The following SDR42E1 variants were observed in gnomAD, a reference collection of about 807,000 sequenced individuals.
SDR42E1 encodes short chain dehydrogenase/reductase family 42E, member 1, also known as short-chain dehydrogenase/reductase family 42E member 1.
In SDR42E1, 5 loss-of-function variants were observed where a neutral mutation model predicts 2.6. That is an observed-to-expected ratio of 1.94 (90% confidence interval 1.01 to 4.08). The LOEUF (loss-of-function observed/expected upper bound fraction) is 4.08. SDR42E1 is among the 30% of genes most tolerant of loss of function. The pLI is 0.00. For synonymous variants in SDR42E1, 231 were observed against 188.3 expected (o/e 1.23, Z -1.86); for missense variants, 596 against 478.6 (o/e 1.25, Z -2.29).
rs1285776208 is a variant in SDR42E1 at position 81,997,161 on chromosome 16, A to G, written c.*1950T>C. The G allele has an allele frequency of 6.6e-6, 1 of 152,218 alleles. No homozygotes were observed. Among genetic ancestry groups the G allele is most frequent in the Non-Finnish European group, 1.5e-5 (1 of 68,042 alleles). The allele number at this position is 152,218 out of a possible 1,614,324, so 9.4% of individuals were successfully genotyped here. On this transcript the variant is annotated 3_prime_UTR_variant, in exon 3 of 3. Transcript: ENST00000328945. ...AAATAATGTTCCCAGTACCACTGCCAGCTTGAATGGAAAGGGATATAGTGC... is the reference window on the plus strand; with the variant it reads ...AAATAATGTTCCCAGTACCACTGCCGGCTTGAATGGAAAGGGATATAGTGC...
At position 82,000,009 on chromosome 16, in the gene SDR42E1, A is replaced by G. The variant is rs1912696775; in HGVS notation, c.284T>C (p.Ile95Thr). 6.2e-7 allele frequency: 1 copy of G among 1,614,042 alleles called. No individual in the cohort carries two copies. The highest frequency in any genetic ancestry group is 1.7e-5 in the Admixed American group (1 of 60,004). ...TGTGCCCCTGACGTTGACTTCTTTG[A>G]TCAGGTTTCGATTGAGTTGCTCCCG... ...SGREQLNRNL[I>T]KEVNVRGTDN... is the part of the protein sequence containing the mutation. Residue 95 changes from isoleucine (I) to threonine (T), a missense_variant, in exon 3 of 3, where the codon ATC (isoleucine) becomes ACC (threonine). By Grantham distance (89) the Ile-to-Thr change is moderately conservative. Transcript: ENST00000328945.
chr16:82,009,545 C>A (rs1913057730), intron 1 of SDR42E1, among the ~76,000 whole-genome samples: 1 of 152,182 alleles, frequency 6.6e-6, no homozygotes, highest in Non-Finnish European at 1.5e-5. Context: ...TTGCATGGGG[C>A]CTGTAGCCCC....
chr16:82,000,627 A>G (rs114981658), intron 2 of SDR42E1, among the ~76,000 whole-genome samples, 164 bp downstream of exon 2: 6 of 152,236 alleles, frequency 3.9e-5, no homozygotes, highest in Non-Finnish European at 5.9e-5. Flanking sequence ...TAAGTGAAAT[A>G]TACCTGTAGT....
intron 1 of SDR42E1, among the ~76,000 whole-genome samples, chr16:82,006,889 A>G (rs1377423782): frequency 6.6e-6 from 1 of 152,232 alleles, no homozygotes; most frequent in Non-Finnish European, 1.5e-5. Flanking sequence ...TATACTCGTA[A>G]TAGATATGGG....
chr16:81,991,829 C>T lies in SDR42E1; in HGVS notation c.*7282G>A, dbSNP rs1488165805. The T allele has an allele frequency of 6.6e-6, 1 of 152,122 alleles. No individual in the cohort carries two copies. The highest frequency in any genetic ancestry group is 1.5e-5 in the Non-Finnish European group (1 of 68,030). The allele number at this position is 152,122 out of a possible 1,614,324, so 9.4% of individuals were successfully genotyped here. A position where few individuals can be genotyped will look rare whatever the true frequency, so the allele number is the denominator to read the frequency against. On this transcript the variant is annotated 3_prime_UTR_variant, in exon 3 of 3. Coordinates refer to ENST00000328945, the MANE Select transcript of SDR42E1 (RefSeq NM_145168.3). ...GGCAAGGTACTGCATCTCCCTAAGC[C>T]TCAGTTTCCTCCCATGTAAACTGGA... is the stretch of plus-strand genomic sequence containing the variant.
rs182668480 is a variant in SDR42E1, at chr16:81,999,506, A to G, written c.787T>C (p.Phe263Leu). 368 of 1,614,172 alleles carry G rather than the reference A, an allele frequency of 2.3e-4. 4 individuals are homozygous for G. The African/African-American group carries it at 4.5e-3, about 20-fold the overall frequency. The change falls in exon 3 of 3, where the codon TTT becomes CTT. Residue 263 changes from phenylalanine to leucine, a missense_variant. Coordinates refer to ENST00000328945, the MANE Select transcript of SDR42E1 (RefSeq NM_145168.3). Reference protein sequence around the residue: ...FISDGRPVNNFEFFRPLVEGL... With the variant: ...FISDGRPVNNLEFFRPLVEGL... ...TCAACCAGAGGCCGGAAGAACTCAA[A>G]GTTGTTCACGGGTCTGCCATCTGAG...
intron 1 of SDR42E1, among the ~76,000 whole-genome samples, chr16:82,001,812 G>A (rs1414381513): frequency 6.7e-6 from 1 of 150,064 alleles, no homozygotes; most frequent in Non-Finnish European, 1.5e-5. Flanking sequence ...TGAGGCAGGA[G>A]AATGGCGTGA....
At chr16:82,008,015 G>C (rs1019651108) in intron 1 of SDR42E1, 1 of 152,184 alleles carries the variant, frequency 6.6e-6, no homozygotes, top group East Asian at 1.9e-4. Flanking sequence ...CCCGGTAGGA[G>C]GTAATTGAAT....
At position 81,994,336 on chromosome 16, in the gene SDR42E1, C is replaced by T. The variant is rs961665203; in HGVS notation, c.*4775G>A. ...AGGAGGACCCTGAAGAGGAGCTGCACCAAGCGCCTGTCCTCCCCAGAGAAG... is the reference window on the plus strand; with the variant it reads ...AGGAGGACCCTGAAGAGGAGCTGCATCAAGCGCCTGTCCTCCCCAGAGAAG... On this transcript the variant is annotated 3_prime_UTR_variant, in exon 3 of 3. Transcript: ENST00000328945. The T allele has an allele frequency of 6.6e-6, 1 of 152,222 alleles. No individual in the cohort carries two copies. Among genetic ancestry groups the T allele is most frequent in the South Asian group, 2.1e-4 (1 of 4,830 alleles). 9.4% of individuals were successfully genotyped at this position (152,222 alleles called of 1,614,324 possible).
At chr16:82,001,012 C>T (rs968457407) in intron 1 of SDR42E1, 128 bp from the exon 2 acceptor site, 2 of 596,494 alleles carry the variant, frequency 3.4e-6, no homozygotes, top group Non-Finnish European at 5.8e-6. Context: ...TGGGTCTGGT[C>T]ACAGCTGTGT....
rs1472119318 is a variant in SDR42E1, at chr16:81,988,979, G to C, written c.*10132C>G. On this transcript the variant is annotated 3_prime_UTR_variant, in exon 3 of 3. Transcript: ENST00000328945. ...ATGAGATTTTTTCCCCTCAAAATCA[G>C]TTCACAATAACTTCTAATACATCTG... 1.3e-5 allele frequency: 2 copies of C among 152,098 alleles called. No individual in the cohort carries two copies. Among genetic ancestry groups the C allele is most frequent in the Non-Finnish European group, 2.9e-5 (2 of 68,012 alleles). 9.4% of individuals were successfully genotyped at this position (152,098 alleles called of 1,614,324 possible).
Position 81,999,360 on chromosome 16 carries a change from G to A in SDR42E1, c.933C>T (p.Leu311=), listed in dbSNP as rs1332644688. Residue 311 remains leucine, a synonymous_variant, in exon 3 of 3, where the codon CTC becomes CTT. Coordinates refer to ENST00000328945, the MANE Select transcript of SDR42E1 (RefSeq NM_145168.3). The part of the protein sequence containing the change: ...LGRLYNFQPF[L]TRTEVYKTGV... ...CAGTTTTGTAAACTTCAGTGCGAGT[G>A]AGGAAGGGCTGGAAGTTGTAGAGTC... 2.5e-6 allele frequency: 4 copies of A among 1,614,236 alleles called. No individual in the cohort carries two copies. The highest frequency in any genetic ancestry group is 1.7e-5 in the Admixed American group (1 of 60,026).
chr16:82,000,673 A>G, intron 2 of SDR42E1, 118 bp downstream of exon 2: 1 of 752,424 alleles, frequency 1.3e-6, no homozygotes, highest in Non-Finnish European at 2.2e-6. Flanking sequence ...GGCAACACAG[A>G]TCATTTCTGG....
chr16:82,004,019 T>A (rs891083819), intron 1 of SDR42E1, among the ~76,000 whole-genome samples: 3 of 152,152 alleles, frequency 2.0e-5, no homozygotes, highest in African/African-American at 7.2e-5. Context: ...ATAACATGTC[T>A]CCTAAAAAGT....
In SDR42E1 at chr16:81,995,830, C is replaced by T. The variant is rs950225717; in HGVS notation, c.*3281G>A. 1.3e-5 allele frequency: 2 copies of T among 152,124 alleles called. No individual in the cohort carries two copies. Among genetic ancestry groups the T allele is most frequent in the Admixed American group, 6.6e-5 (1 of 15,262 alleles). 9.4% of individuals were successfully genotyped at this position (152,124 alleles called of 1,614,324 possible). Reference sequence around the variant, plus strand: ...AGCTAACAGGCATTAAACAAATAACCGTACAAATGTTTACAGTTATGAGCA... The same window carrying T: ...AGCTAACAGGCATTAAACAAATAACTGTACAAATGTTTACAGTTATGAGCA... On this transcript the variant is annotated 3_prime_UTR_variant, in exon 3 of 3. Transcript: ENST00000328945.
chr16:82,003,772 C>G (rs1400906497), intron 1 of SDR42E1, among the ~76,000 whole-genome samples: 3 of 152,178 alleles, frequency 2.0e-5, no homozygotes, highest in African/African-American at 7.2e-5. Flanking sequence ...TATTATTGAT[C>G]TCCTTCCCAC....
In SDR42E1 at chr16:81,998,317, T is replaced by C. The variant is rs1912598243; in HGVS notation, c.*794A>G. The C allele has an allele frequency of 2.6e-5, 4 of 152,164 alleles. 1 individual carries two copies. In the South Asian group the frequency reaches 8.3e-4, roughly 32 times the overall value. The allele number at this position is 152,164 out of a possible 1,614,324, so 9.4% of individuals were successfully genotyped here. Reference sequence around the variant, plus strand: ...ACTTTACAAATAGAGTATATCCAAATACACTTGTTGCAGGCTCTGAGGGCA... The same window carrying C: ...ACTTTACAAATAGAGTATATCCAAACACACTTGTTGCAGGCTCTGAGGGCA... On this transcript the variant is annotated 3_prime_UTR_variant, in exon 3 of 3. Transcript: ENST00000328945.
At position 81,999,056 on chromosome 16, in the gene SDR42E1, T is replaced by C. The variant is rs1158368532; in HGVS notation, c.*55A>G. 2.4e-5 allele frequency: 37 copies of C among 1,551,962 alleles called. No homozygotes were observed. The South Asian group carries it at 3.8e-4, about 16-fold the overall frequency. On this transcript the variant is annotated 3_prime_UTR_variant, in exon 3 of 3. Coordinates refer to ENST00000328945, the MANE Select transcript of SDR42E1 (RefSeq NM_145168.3). ...ATCACTGTACACATTTTAAAACCCA[T>C]GTTTCTTGAGAACCATCTCAGCCAA...
intron 2 of SDR42E1, 132 bp from the exon 3 acceptor site, chr16:82,000,356 G>A (rs756504732): frequency 6.3e-6 from 7 of 1,105,714 alleles, no homozygotes; most frequent in African/African-American, 6.1e-5. Flanking sequence ...CCCTCACTAT[G>A]CATGTTCCTT....
Sources: gnomAD v4.1 joint callset for allele counts (sites outside exome capture counted in the v4.1 genomes callset) on GRCh38, gnomAD v4.1.1 for gene constraint, MANE v1.5 for transcripts, NCBI Gene and HGNC (gene_info 2026-07-23, HGNC 2026-07-21) for gene names.